Variants in GPER1 observed in about 807,000 individuals in gnomAD.
GPER1 encodes the protein G protein-coupled estrogen receptor 1, also known as G protein-coupled receptor 30.
A neutral mutation model predicts 0.6 loss-of-function variants in GPER1; 2 were observed. The ratio of observed to expected loss-of-function variants is 3.41; its 90% CI spans 1.39 to 10.72. The LOEUF (loss-of-function observed/expected upper bound fraction) is 10.72, where lower values mean the gene tolerates loss of function less well. Ranked by LOEUF, GPER1 falls within the 30% of genes most tolerant of loss-of-function variation. The probability of loss-of-function intolerance (pLI) is 0.04; values close to 1 mark genes in which losing one functional copy is unlikely to be tolerated. For synonymous variants in GPER1, 263 were observed against 247.6 expected (o/e 1.06, Z -0.58); for missense variants, 441 against 535.2 (o/e 0.82, Z 1.74).
rs1438689427 is a variant in GPER1, at chr7:1,092,741, A to G, written c.1013A>G (p.Tyr338Cys). ...ACCTTCAGGGACAAGCTGAGGCTGT[A>G]CATTGAGCAGAAAACAAATTTGCCG... ...GETFRDKLRL[Y>C]IEQKTNLPAL... is the part of the protein sequence containing the mutation. Residue 338 changes from tyrosine (Y) to cysteine (C), a missense_variant, in exon 2 of 2, where the codon TAC (tyrosine) becomes TGC (cysteine). Physicochemically the swap from Tyr to Cys is radical, Grantham distance 194. Coordinates refer to ENST00000397088, the MANE Select transcript of GPER1 (RefSeq NM_001098201.3). 10 of 1,613,536 alleles carry G rather than the reference A, an allele frequency of 6.2e-6. No homozygotes were observed. Among genetic ancestry groups the G allele is most frequent in the Non-Finnish European group, 8.5e-6 (10 of 1,180,018 alleles).
Position 1,092,102 on chromosome 7 carries a change from A to T in GPER1, c.374A>T (p.Asp125Val). 6.2e-7 allele frequency: 1 copy of T among 1,613,776 alleles called. No homozygotes were observed. The highest frequency in any genetic ancestry group is 8.5e-7 in the Non-Finnish European group (1 of 1,180,002). The change falls in exon 2 of 2, where the codon GAC (aspartate) becomes GTC (valine). Residue 125 changes from aspartate to valine, a missense_variant. Physicochemically the swap from Asp to Val is radical, Grantham distance 152. Coordinates refer to ENST00000397088, the MANE Select transcript of GPER1 (RefSeq NM_001098201.3). Reference protein sequence around the residue: ...EVFNLHERYYDIAVLCTFMSL... With the variant: ...EVFNLHERYYVIAVLCTFMSL... ...TTCAACCTGCACGAGCGGTACTACG[A>T]CATCGCCGTCCTGTGCACCTTCATG... is the stretch of plus-strand genomic sequence containing the variant.
In GPER1 at chr7:1,092,856, G is replaced by T; in HGVS notation, c.1128G>T (p.Ter376TyrextTer6). 6.2e-7 allele frequency: 1 copy of T among 1,611,584 alleles called. No individual in the cohort carries two copies. Among genetic ancestry groups the T allele is most frequent in the Non-Finnish European group, 8.5e-7 (1 of 1,179,048 alleles). ...QSDVRFSSAV[*>Y] ...ATGTGAGGTTCAGCAGTGCCGTGTA[G>T]ACAGCCTTGGCCGCATAGGCCCAGC... The change falls in exon 2 of 2, where the codon TAG becomes TAT. Residue 376 changes from the stop codon to tyrosine, a stop_lost. Coordinates refer to ENST00000397088, the MANE Select transcript of GPER1 (RefSeq NM_001098201.3).
rs1248363462 is a variant in GPER1 at position 1,093,434 on chromosome 7, C to T, written c.*578C>T. On this transcript the variant is annotated 3_prime_UTR_variant, in exon 2 of 2. Transcript: ENST00000397088. Reference sequence around the variant, plus strand: ...GCTCTGGTGCACGCCTGAGCGTCCTCCATCTTCCAGGATGGCAGCAATGGC... The same window carrying T: ...GCTCTGGTGCACGCCTGAGCGTCCTTCATCTTCCAGGATGGCAGCAATGGC... 2 of 463,768 alleles carry T rather than the reference C, an allele frequency of 4.3e-6. No homozygotes were observed. The highest frequency in any genetic ancestry group is 1.6e-5 in the South Asian group (1 of 64,398). 28.7% of individuals were successfully genotyped at this position (463,768 alleles called of 1,614,324 possible). A position where few individuals can be genotyped will look rare whatever the true frequency, so the allele number is the denominator to read the frequency against.
upstream of GPER1, chr7:1,087,383 T>C (rs1787493216): frequency 6.6e-6 from 1 of 152,210 alleles, no homozygotes; most frequent in African/African-American, 2.4e-5. Context: ...TTTTTGCAGA[T>C]TTTGGAATAT....
In GPER1 at chr7:1,093,410, C is replaced by A. The variant is rs539441913; in HGVS notation, c.*554C>A. 2.1e-3 allele frequency: 961 copies of A among 456,928 alleles called. 5 individuals carry two copies. Among genetic ancestry groups the A allele is most frequent in the Non-Finnish European group, 2.6e-3 (572 of 217,722 alleles). The allele number at this position is 456,928 out of a possible 1,614,324, so 28.3% of individuals were successfully genotyped here. ...TAAAGAGGAGAAGGAAAACATGCTG[C>A]TCTGGTGCACGCCTGAGCGTCCTCC... On this transcript the variant is annotated 3_prime_UTR_variant, in exon 2 of 2. Transcript: ENST00000397088.
chr7:1,092,485 C>G lies in GPER1; in HGVS notation c.757C>G (p.Arg253Gly). 1 of 1,607,684 alleles carries G rather than the reference C, an allele frequency of 6.2e-7. No individual in the cohort carries two copies. ...RAHRHRGLRP[R>G]RQKALRMILA... ...GCACCGGCACCGTGGGCTGCGGCCC[C>G]GGCGGCAGAAGGCGCTCCGCATGAT... Residue 253 changes from arginine to glycine, a missense_variant, in exon 2 of 2, where the codon CGG becomes GGG. By Grantham distance (125) the Arg-to-Gly change is moderately radical. Transcript: ENST00000397088.
Position 1,093,361 on chromosome 7 carries a change from GAGCT to G in GPER1, c.*513_*516del. The G allele has an allele frequency of 2.3e-6, 1 of 429,520 alleles. No homozygotes were observed. The highest frequency in any genetic ancestry group is 4.9e-6 in the Non-Finnish European group (1 of 203,260). 26.6% of individuals were successfully genotyped at this position (429,520 alleles called of 1,614,324 possible). A position where few individuals can be genotyped will look rare whatever the true frequency, so the allele number is the denominator to read the frequency against. ...GGTGTGTCCTCTGTGCCCACGGTCT[GAGCT>G]AGCTAGCGCACCGCCGAGTTAAAGA... On this transcript the variant is annotated 3_prime_UTR_variant, in exon 2 of 2. Transcript: ENST00000397088.
intron 1 of GPER1, among the ~76,000 whole-genome samples, chr7:1,090,441 C>A (rs1396036690): frequency 6.6e-6 from 1 of 151,430 alleles, no homozygotes; most frequent in African/African-American, 2.4e-5. Context: ...GGTGACAGGA[C>A]CTCCCCACTC....
In GPER1 at chr7:1,092,889, T is replaced by G; in HGVS notation, c.*33T>G. On this transcript the variant is annotated 3_prime_UTR_variant, in exon 2 of 2. Transcript: ENST00000397088. ...TGGCCGCATAGGCCCAGCCAGGGTG[T>G]GACTCGGGAGCTGCACACACCTGGG... The G allele has an allele frequency of 6.3e-7, 1 of 1,594,758 alleles. No homozygotes were observed. The highest frequency in any genetic ancestry group is 8.6e-7 in the Non-Finnish European group (1 of 1,166,250).
chr7:1,092,841 C>T lies in GPER1; in HGVS notation c.1113C>T (p.Phe371=). The T allele has an allele frequency of 6.2e-7, 1 of 1,612,540 alleles. No individual in the cohort carries two copies. Residue 371 remains phenylalanine (F), a synonymous_variant, in exon 2 of 2, where the codon TTC becomes TTT. Transcript: ENST00000397088. ...GCACCGAGCAGTCGGATGTGAGGTT[C>T]AGCAGTGCCGTGTAGACAGCCTTGG... The part of the protein sequence containing the change: ...PDSTEQSDVR[F]SSAV
In GPER1 at chr7:1,091,812, C is replaced by T. The variant is rs773563688; in HGVS notation, c.84C>T (p.Ser28=). 15 of 1,596,398 alleles carry T rather than the reference C, an allele frequency of 9.4e-6. 1 individual carries two copies. In the South Asian group the frequency reaches 1.6e-4, roughly 17 times the overall value. Residue 28 remains serine, a synonymous_variant, in exon 2 of 2, where the codon TCC becomes TCT. Coordinates refer to ENST00000397088, the MANE Select transcript of GPER1 (RefSeq NM_001098201.3). ...TAQPAAPNTT[S]PELNLSHPLL... is the part of the protein sequence containing the mutation. ...AGCCTGCGGCCCCCAACACCACCTC[C>T]CCCGAGCTCAACCTGTCCCACCCGC...
At position 1,092,191 on chromosome 7, in the gene GPER1, C is replaced by T. The variant is rs762550100; in HGVS notation, c.463C>T (p.Arg155Cys). ...VFFLTWMSFDRYIALARAMRC... is the reference protein window; with the variant it reads ...VFFLTWMSFDCYIALARAMRC... Reference sequence around the variant, plus strand: ...CTTCCTCACCTGGATGAGCTTCGACCGCTACATCGCCCTGGCCAGGGCCAT... The same window carrying T: ...CTTCCTCACCTGGATGAGCTTCGACTGCTACATCGCCCTGGCCAGGGCCAT... Residue 155 changes from arginine to cysteine, a missense_variant, in exon 2 of 2, where the codon CGC (arginine) becomes TGC (cysteine). Physicochemically the swap from Arg to Cys is radical, Grantham distance 180. Transcript: ENST00000397088. The T allele has an allele frequency of 3.1e-6, 5 of 1,613,264 alleles. No individual in the cohort carries two copies. Among genetic ancestry groups the T allele is most frequent in the Admixed American group, 1.7e-5 (1 of 60,030 alleles).
intron 1 of GPER1, among the ~76,000 whole-genome samples, chr7:1,089,872 C>G (rs1184848307): frequency 3.3e-5 from 5 of 151,878 alleles, no homozygotes; most frequent in Admixed American, 6.6e-5. Flanking sequence ...CACTACAGGT[C>G]AGAAGTTCGA....
chr7:1,093,668 C>G lies in GPER1; in HGVS notation c.*812C>G, dbSNP rs994239420. The G allele has an allele frequency of 4.2e-6, 2 of 470,692 alleles. No homozygotes were observed. The highest frequency in any genetic ancestry group is 1.5e-5 in the South Asian group (1 of 64,564). The allele number at this position is 470,692 out of a possible 1,614,324, so 29.2% of individuals were successfully genotyped here. A position where few individuals can be genotyped will look rare whatever the true frequency, so the allele number is the denominator to read the frequency against. ...GCCAGGACAATGAAATACTCCAGCACCTGTGGCTGACGAATTTGTTTCTAC... is the reference window on the plus strand; with the variant it reads ...GCCAGGACAATGAAATACTCCAGCAGCTGTGGCTGACGAATTTGTTTCTAC... On this transcript the variant is annotated 3_prime_UTR_variant, in exon 2 of 2. Coordinates refer to ENST00000397088, the MANE Select transcript of GPER1 (RefSeq NM_001098201.3).
intron 1 of GPER1, among the ~76,000 whole-genome samples, chr7:1,089,319 G>C (rs1462604368): frequency 1.3e-5 from 2 of 152,198 alleles, no homozygotes; most frequent in African/African-American, 2.4e-5. Flanking sequence ...AGTACTTTTA[G>C]AATAACTGAC....
rs1049225202 is a variant in GPER1, at chr7:1,092,419, G to A, written c.691G>A (p.Gly231Ser). 1.9e-6 allele frequency: 3 copies of A among 1,608,332 alleles called. No individual in the cohort carries two copies. Among genetic ancestry groups the A allele is most frequent in the African/African-American group, 1.3e-5 (1 of 74,854 alleles). Residue 231 changes from glycine to serine, a missense_variant, in exon 2 of 2, where the codon GGC (glycine) becomes AGC (serine). Coordinates refer to ENST00000397088, the MANE Select transcript of GPER1 (RefSeq NM_001098201.3). ...CTTCATCGTGCCCTTCGCCATCATC[G>A]GCCTGTGCTACTCCCTCATTGTCCG... Reference protein sequence around the residue: ...LGFIVPFAIIGLCYSLIVRVL... With the variant: ...LGFIVPFAIISLCYSLIVRVL...
intron 1 of GPER1, among the ~76,000 whole-genome samples, chr7:1,091,005 C>G (rs938805571): frequency 6.6e-6 from 1 of 152,170 alleles, no homozygotes; most frequent in Non-Finnish European, 1.5e-5. Flanking sequence ...CTTTCCCTTC[C>G]TATCTTACTT....
In GPER1 at chr7:1,092,242, C is replaced by T. The variant is rs1242881716; in HGVS notation, c.514C>T (p.His172Tyr). ...GCGCTGCAGCCTGTTCCGCACCAAG[C>T]ACCACGCCCGGCTGAGCTGTGGCCT... The part of the protein sequence containing the change: ...AMRCSLFRTK[H>Y]HARLSCGLIW... Residue 172 changes from histidine to tyrosine, a missense_variant, in exon 2 of 2, where the codon CAC (histidine) becomes TAC (tyrosine). Transcript: ENST00000397088. 3 of 1,612,450 alleles carry T rather than the reference C, an allele frequency of 1.9e-6. No individual in the cohort carries two copies. Among genetic ancestry groups the T allele is most frequent in the Non-Finnish European group, 2.5e-6 (3 of 1,180,036 alleles).
intron 1 of GPER1, among the ~76,000 whole-genome samples, chr7:1,089,099 A>G (rs1310372079): frequency 3.3e-5 from 5 of 152,126 alleles, no homozygotes; most frequent in Admixed American, 3.3e-4. Flanking sequence ...TACGTTCCAA[A>G]ATTTCTACAT....
Sources: allele counts gnomAD v4.1 joint callset (sites outside exome capture counted in the v4.1 genomes callset), GRCh38; gene constraint gnomAD v4.1.1; transcripts MANE v1.5; gene names NCBI Gene and HGNC (gene_info 2026-07-23, HGNC 2026-07-21).